Variants in CBFA2T3 observed in about 807,000 individuals in gnomAD.
CBFA2T3 encodes transcriptional corepressor CBFA2T3.
Under a neutral mutation model 58.6 loss-of-function variants are expected in CBFA2T3, and 31 were observed. The ratio of observed to expected loss-of-function variants is 0.53; its 90% CI spans 0.40 to 0.71. The LOEUF (loss-of-function observed/expected upper bound fraction) is 0.71. Ranked by LOEUF, CBFA2T3 falls within the 30% of genes least tolerant of loss-of-function variation. CBFA2T3 has a pLI of 0.00. For missense variants in CBFA2T3, 1,076 were observed against 963.1 expected (o/e 1.12, Z -1.55); for synonymous variants, 531 against 421.9 (o/e 1.26, Z -3.17).
intron 1 of CBFA2T3, among the ~76,000 whole-genome samples, chr16:88,921,041 C>T (rs1019527352): frequency 6.6e-6 from 1 of 152,246 alleles, no homozygotes; most frequent in Non-Finnish European, 1.5e-5. Context: ...TTCCTCTTGG[C>T]GGAACCTCCC....
intron 5 of CBFA2T3, among the ~76,000 whole-genome samples, chr16:88,891,576 C>T (rs1445429364): frequency 6.6e-6 from 1 of 152,200 alleles, no homozygotes; most frequent in Non-Finnish European, 1.5e-5. Context: ...CGGCCAACGG[C>T]AACCAGAGGC....
Position 88,877,123 on chromosome 16 carries a change from G to C in CBFA2T3, c.1815C>G (p.Asp605Glu). Residue 605 changes from aspartate to glutamate, a missense_variant, in exon 12 of 12, where the codon GAC (aspartate) becomes GAG (glutamate). Physicochemically the swap from Asp to Glu is conservative, Grantham distance 45 (BLOSUM62 2). Transcript: ENST00000268679. ...SLQGPTAVVA[D>E]PVPGPPEAAH... is the part of the protein sequence containing the mutation. ...CGGCTTCGGGCGGTCCAGGCACCGG[G>C]TCGGCCACCACGGCTGTGGGGCCCT... 6.5e-7 allele frequency: 1 copy of C among 1,548,534 alleles called. No individual in the cohort carries two copies.
At chr16:88,929,980 G>A (rs1219082841) in intron 1 of CBFA2T3, among the ~76,000 whole-genome samples, 2 of 146,980 alleles carry the variant, frequency 1.4e-5, no homozygotes, top group African/African-American at 2.7e-5. Context: ...ACCCAGAGCC[G>A]CATGGTCCAC....
chr16:88,946,226 G>C (rs1006644179), intron 1 of CBFA2T3, among the ~76,000 whole-genome samples: 9 of 151,988 alleles, frequency 5.9e-5, no homozygotes, highest in Non-Finnish European at 1.0e-4. Flanking sequence ...AGAATTGCTT[G>C]AACCCAGGAG....
chr16:88,976,721 C>T lies in CBFA2T3; in HGVS notation c.87G>A (p.Leu29=), dbSNP rs752632505. ...CGGCAGATGCCAGGAGGCCGCTCTC[C>T]AGCACAGGGTGCGTCTGGGACATGG... is the stretch of plus-strand genomic sequence containing the variant. The part of the protein sequence containing the change: ...CGSMSQTHPV[L]ESGLLASAGC... Residue 29 remains leucine (L), a synonymous_variant, in exon 1 of 12, where the codon CTG becomes CTA. Coordinates refer to ENST00000268679, the MANE Select transcript of CBFA2T3 (RefSeq NM_005187.6). 2.9e-4 allele frequency: 453 copies of T among 1,558,576 alleles called. No individual in the cohort carries two copies. The highest frequency in any genetic ancestry group is 3.8e-4 in the Non-Finnish European group (441 of 1,151,278).
intron 1 of CBFA2T3, among the ~76,000 whole-genome samples, chr16:88,919,288 A>C (rs1375952367): frequency 6.6e-6 from 1 of 152,202 alleles, no homozygotes; most frequent in East Asian, 1.9e-4. Flanking sequence ...AGGTATAAAA[A>C]AACCGGACAC....
intron 1 of CBFA2T3, among the ~76,000 whole-genome samples, chr16:88,914,676 C>A (rs968534415): frequency 6.6e-6 from 1 of 152,172 alleles, no homozygotes; most frequent in Non-Finnish European, 1.5e-5. Context: ...GTGCCCTGAC[C>A]CTCTGCCCTG....
In CBFA2T3 at chr16:88,881,439, C is replaced by CGCAGGTGCT; in HGVS notation, c.1253_1254insAGCACCTGC (p.Thr418_Val419insAlaProAla). 6.2e-7 allele frequency: 1 copy of CGCAGGTGCT among 1,609,764 alleles called. No individual in the cohort carries two copies. The highest frequency in any genetic ancestry group is 8.5e-7 in the Non-Finnish European group (1 of 1,178,550). ...CGGCCTCCTGGCACCTGCGCAGCAC[C>CGCAGGTGCT]GTGAGCGAGCGCCGCGTCTTCTCCA... is the stretch of plus-strand genomic sequence containing the variant. On this transcript the variant is annotated inframe_insertion, in exon 9 of 12. Coordinates refer to ENST00000268679, the MANE Select transcript of CBFA2T3 (RefSeq NM_005187.6).
At chr16:88,961,549 G>A (rs1311078897) in intron 1 of CBFA2T3, among the ~76,000 whole-genome samples, 2 of 130,154 alleles carry the variant, frequency 1.5e-5, no homozygotes, top group African/African-American at 6.0e-5. Flanking sequence ...TCAGCACTGG[G>A]CATTCCCACT....
chr16:88,975,159 C>CCCTGGCCCTCTCTGCT (rs1567643890), intron 1 of CBFA2T3, among the ~76,000 whole-genome samples: 8 of 139,494 alleles, frequency 5.7e-5, no homozygotes, highest in Non-Finnish European at 1.1e-4. Context: ...CAGAGGTCCA[C>CCCTGGCCCTCTCTGCT]CCTGACCCTC....
At chr16:88,948,614 T>A (rs1971967185) in intron 1 of CBFA2T3, among the ~76,000 whole-genome samples, 1 of 152,256 alleles carries the variant, frequency 6.6e-6, no homozygotes, top group Admixed American at 6.5e-5. Flanking sequence ...CTTTCTCCCC[T>A]GACTCACATC....
intron 8 of CBFA2T3, among the ~76,000 whole-genome samples, chr16:88,882,212 C>T (rs1274926034): frequency 6.6e-6 from 1 of 152,240 alleles, no homozygotes; most frequent in Non-Finnish European, 1.5e-5. Context: ...TCAGGGGCGC[C>T]CACACAGCCC....
At chr16:88,914,213 A>G (rs891057254) in intron 1 of CBFA2T3, among the ~76,000 whole-genome samples, 1 of 152,216 alleles carries the variant, frequency 6.6e-6, no homozygotes, top group African/African-American at 2.4e-5. Flanking sequence ...TTTCTAGAAA[A>G]TTCAGAATCA....
At chr16:88,922,365 C>A (rs945856832) in intron 1 of CBFA2T3, among the ~76,000 whole-genome samples, 1 of 152,260 alleles carries the variant, frequency 6.6e-6, no homozygotes, top group Admixed American at 6.5e-5. Context: ...GGGAAGACTG[C>A]TGCTGCCTTA....
chr16:88,883,158 T>G (rs1969197302), intron 7 of CBFA2T3: 1 of 302,400 alleles, frequency 3.3e-6, no homozygotes. Flanking sequence ...CGGGAAGGCT[T>G]TGTTAGACTA....
intron 5 of CBFA2T3, among the ~76,000 whole-genome samples, chr16:88,889,073 T>C (rs560134700): frequency 1.4e-4 from 21 of 151,774 alleles, no homozygotes; most frequent in Non-Finnish European, 2.5e-4. Context: ...TGGCTGAGGC[T>C]GGGGGCATCT....
rs544271192 is a variant in CBFA2T3 at position 88,906,059 on chromosome 16, G to A, written c.152-4403C>T. Among the ~76,000 whole-genome samples, 11 of 152,122 alleles carry A rather than the reference G, an allele frequency of 7.2e-5. No homozygotes were observed. In the South Asian group the frequency reaches 1.2e-3, roughly 17 times the overall value. Reference sequence around the variant, plus strand: ...AAAGGGGATGGAGATGAGGCCGTGCGCAGCAGGGGGGTCCAGCACTCTCCG... The same window carrying A: ...AAAGGGGATGGAGATGAGGCCGTGCACAGCAGGGGGGTCCAGCACTCTCCG... On this transcript the variant is annotated intron_variant, in intron 1 of 11. Transcript: ENST00000268679.
chr16:88,894,553 CAT>C (rs1207802077), intron 3 of CBFA2T3, among the ~76,000 whole-genome samples: 2 of 142,204 alleles, frequency 1.4e-5, no homozygotes, highest in Non-Finnish European at 3.0e-5. Flanking sequence ...AATGTACACA[CAT>C]GCACACACAC....
rs200201856 is a variant in CBFA2T3, at chr16:88,881,439, C to G, written c.1254G>C (p.Thr418=). The G allele has an allele frequency of 5.0e-6, 8 of 1,609,646 alleles. No homozygotes were observed. The African/African-American group carries it at 5.3e-5, about 11-fold the overall frequency. ...DMVEKTRRSL[T]VLRRCQEADR... is the part of the protein sequence containing the mutation. ...CGGCCTCCTGGCACCTGCGCAGCAC[C>G]GTGAGCGAGCGCCGCGTCTTCTCCA... The change falls in exon 9 of 12, where the codon ACG becomes ACC. Residue 418 remains threonine, a synonymous_variant. Coordinates refer to ENST00000268679, the MANE Select transcript of CBFA2T3 (RefSeq NM_005187.6).
Sources: gnomAD v4.1 joint callset for allele counts (sites outside exome capture counted in the v4.1 genomes callset) on GRCh38, gnomAD v4.1.1 for gene constraint, MANE v1.5 for transcripts, NCBI Gene and HGNC (gene_info 2026-07-23, HGNC 2026-07-21) for gene names.